CNOT1: variants seen among roughly 807,000 people sequenced by gnomAD.
CNOT1 encodes the protein CCR4-associated factor 1.
A neutral mutation model predicts 273.8 loss-of-function variants in CNOT1; 15 were observed. The ratio of observed to expected loss-of-function variants is 0.05; its 90% CI spans 0.04 to 0.08. CNOT1 has a LOEUF of 0.08. Ranked by LOEUF, CNOT1 falls within the 10% of genes least tolerant of loss-of-function variation. The probability of loss-of-function intolerance (pLI) is 1.00; values close to 1 mark genes in which losing one functional copy is unlikely to be tolerated. For missense variants in CNOT1, 1,644 were observed against 2,912.2 expected (o/e 0.56, Z 10.02); for synonymous variants, 1,022 against 1,005.5 (o/e 1.02, Z -0.31).
chr16:58,626,072 T>C (rs2043568071), intron 1 of CNOT1, among the ~76,000 whole-genome samples: 1 of 152,114 alleles, frequency 6.6e-6, no homozygotes, highest in African/African-American at 2.4e-5. Context: ...AATGCCTCAG[T>C]TAATATATAT....
intron 3 of CNOT1, among the ~76,000 whole-genome samples, chr16:58,588,505 A>G (rs976205574): frequency 7.9e-5 from 12 of 152,130 alleles, no homozygotes; most frequent in African/African-American, 2.7e-4. Context: ...TCAATCCAGG[A>G]CATGAGATCT....
At chr16:58,550,940 T>C (rs775051587) in intron 24 of CNOT1, among the ~76,000 whole-genome samples, 192 bp downstream of exon 24, 1 of 152,196 alleles carries the variant, frequency 6.6e-6, no homozygotes, top group Non-Finnish European at 1.5e-5. Flanking sequence ...AAAAAGCTTA[T>C]AACTTGCTGC....
intron 9 of CNOT1, 47 bp downstream of exon 9, chr16:58,583,009 A>C (rs1435537909): frequency 6.2e-7 from 1 of 1,606,848 alleles, no homozygotes; most frequent in East Asian, 2.2e-5. Context: ...AAAAATAAAG[A>C]GGACAGGACA....
intron 39 of CNOT1, 114 bp downstream of exon 39, chr16:58,536,875 A>T: frequency 1.4e-6 from 2 of 1,453,810 alleles, no homozygotes; most frequent in Non-Finnish European, 1.8e-6. Context: ...TTGGGTTTGC[A>T]TGAGTATGGA....
At chr16:58,522,617 C>T (rs1379192007) in intron 47 of CNOT1, among the ~76,000 whole-genome samples, 1 of 152,136 alleles carries the variant, frequency 6.6e-6, no homozygotes, top group African/African-American at 2.4e-5. Context: ...AATCTGGCAA[C>T]AGATTCCTAA....
chr16:58,617,291 G>A (rs113106958), intron 1 of CNOT1, among the ~76,000 whole-genome samples: 1 of 152,010 alleles, frequency 6.6e-6, no homozygotes, highest in Admixed American at 6.6e-5. Flanking sequence ...AGCCTGAGAG[G>A]TTGAGGCTAC....
At chr16:58,620,947 A>G (rs1024707847) in intron 1 of CNOT1, among the ~76,000 whole-genome samples, 2 of 152,196 alleles carry the variant, frequency 1.3e-5, no homozygotes, top group Non-Finnish European at 2.9e-5. Context: ...ATGATAAAGA[A>G]ACTATAATGG....
At chr16:58,613,995 G>A (rs2042991062) in intron 1 of CNOT1, among the ~76,000 whole-genome samples, 1 of 118,676 alleles carries the variant, frequency 8.4e-6, no homozygotes, top group Non-Finnish European at 2.0e-5. Flanking sequence ...AGGAGGCTGA[G>A]GCAGGAGAAT....
intron 43 of CNOT1, 86 bp from the exon 44 acceptor site, chr16:58,528,734 C>G: frequency 2.3e-6 from 2 of 864,710 alleles, no homozygotes; most frequent in African/African-American, 1.7e-5. Flanking sequence ...CCCCACCCCC[C>G]TCAAAAGAAT....
intron 1 of CNOT1, among the ~76,000 whole-genome samples, chr16:58,610,032 G>A (rs546370557): frequency 6.6e-6 from 1 of 152,206 alleles, no homozygotes; most frequent in South Asian, 2.1e-4. Flanking sequence ...TGACCAAGAG[G>A]CTTAATGTAA....
At chr16:58,530,405 C>T in intron 42 of CNOT1, 58 bp from the exon 43 acceptor site, 1 of 1,262,326 alleles carries the variant, frequency 7.9e-7, no homozygotes, top group East Asian at 2.3e-5. Context: ...TCAGCCACTA[C>T]AAGTCGCCCA....
At chr16:58,574,899 A>G in intron 15 of CNOT1, 108 bp downstream of exon 15, 2 of 1,558,458 alleles carry the variant, frequency 1.3e-6, no homozygotes, top group East Asian at 4.5e-5. Context: ...GTTTCTTTCA[A>G]ATTTTTCTTT....
chr16:58,576,297 A>G (rs2041456803), intron 14 of CNOT1, among the ~76,000 whole-genome samples, 166 bp downstream of exon 14: 1 of 151,986 alleles, frequency 6.6e-6, no homozygotes, highest in Non-Finnish European at 1.5e-5. Context: ...TTTAGTAGAG[A>G]TGGTGTTTCA....
rs77990722 is a variant in CNOT1 at position 58,547,326 on chromosome 16, G to A, written c.3640-30C>T. The A allele has an allele frequency of 8.8e-4, 1,423 of 1,610,478 alleles. 10 individuals carry two copies. In the African/African-American group the frequency reaches 0.016, roughly 18 times the overall value. On this transcript the variant is annotated intron_variant, in intron 26 of 48. Transcript: ENST00000317147. The surrounding 1 kb of genome is among the most constrained non-coding windows in gnomAD (Gnocchi z 4.0). ...AATAAGAAAAATACTTTCAAAAGCG[G>A]GGAATATACCCCCCAAAATGGTATA... is the stretch of plus-strand genomic sequence containing the variant.
chr16:58,626,829 A>T (rs991049527), intron 1 of CNOT1, among the ~76,000 whole-genome samples: 3 of 151,536 alleles, frequency 2.0e-5, no homozygotes, highest in Non-Finnish European at 4.4e-5. Context: ...ATTTTGCAAA[A>T]TTTTTTTTTA....
At position 58,599,457 on chromosome 16, in the gene CNOT1, T is replaced by A. The variant is rs1025799342; in HGVS notation, c.-120A>T. 3 of 1,223,108 alleles carry A rather than the reference T, an allele frequency of 2.5e-6. No homozygotes were observed. The highest frequency in any genetic ancestry group is 3.4e-6 in the Non-Finnish European group (3 of 877,352). 75.8% of individuals were successfully genotyped at this position (1,223,108 alleles called of 1,614,324 possible). ...AATTAGGCTATATCTGGTATCTGTATAATATCTTCAGTTCTTCTTTACCAG... is the reference window on the plus strand; with the variant it reads ...AATTAGGCTATATCTGGTATCTGTAAAATATCTTCAGTTCTTCTTTACCAG... On this transcript the variant is annotated 5_prime_UTR_variant, in exon 2 of 49. Transcript: ENST00000317147.
intron 44 of CNOT1, among the ~76,000 whole-genome samples, chr16:58,527,366 C>CAA (rs35633757): frequency 0.25 from 35,718 of 145,450 alleles, 4,668 homozygotes; most frequent in East Asian, 0.38. Context: ...ACTAAAAATA[C>CAA]AAAAAAAAAA....
intron 1 of CNOT1, among the ~76,000 whole-genome samples, chr16:58,622,177 G>T (rs1161974786): frequency 6.6e-6 from 1 of 151,146 alleles, no homozygotes; most frequent in African/African-American, 2.4e-5. Flanking sequence ...AGCCAGGCGT[G>T]GTGGTGGGCG....
chr16:58,624,881 G>C (rs931011893), intron 1 of CNOT1: 2 of 151,972 alleles, frequency 1.3e-5, no homozygotes, highest in Non-Finnish European at 2.9e-5. Context: ...CTCAAACTAC[G>C]CTTTCCAGTG....
Sources: gnomAD v4.1 joint callset for allele counts (sites outside exome capture counted in the v4.1 genomes callset) on GRCh38, gnomAD v4.1.1 for gene constraint, Gnocchi (gnomAD v3.1) non-coding constraint, MANE v1.5 for transcripts, NCBI Gene and HGNC (gene_info 2026-07-23, HGNC 2026-07-21) for gene names.